PPFIA2: variants seen among roughly 807,000 people sequenced by gnomAD.
PPFIA2 encodes liprin-alpha-2.
A neutral mutation model predicts 175.5 loss-of-function variants in PPFIA2; 46 were observed. The ratio of observed to expected loss-of-function variants is 0.26; its 90% CI spans 0.21 to 0.34. PPFIA2 has a LOEUF of 0.34. Among genes scored for constraint, PPFIA2 ranks in the 10% least tolerant of loss-of-function variants. PPFIA2 has a pLI of 1.00. For synonymous variants in PPFIA2, 568 were observed against 511.4 expected, an observed-to-expected ratio of 1.11 and a Z score of -1.49; for missense variants, 1,179 against 1,506.1, an observed-to-expected ratio of 0.78 and a Z score of 3.60.
At chr12:81,378,902 T>C (rs1595822205) in intron 9 of PPFIA2, among the ~76,000 whole-genome samples, 2 of 152,282 alleles carry the variant, frequency 1.3e-5, no homozygotes, top group Non-Finnish European at 1.5e-5. Context: ...GTTGAGATTC[T>C]AATATGTAGC....
chr12:81,470,510 A>G (rs1299940943), intron 4 of PPFIA2, among the ~76,000 whole-genome samples: 1 of 152,208 alleles, frequency 6.6e-6, no homozygotes, highest in East Asian at 1.9e-4. Context: ...ACAGTTTGTC[A>G]GTTTCTCAAG....
At chr12:81,306,899 A>C (rs1325806807) in intron 22 of PPFIA2, among the ~76,000 whole-genome samples, 1 of 151,998 alleles carries the variant, frequency 6.6e-6, no homozygotes, top group Non-Finnish European at 1.5e-5. Flanking sequence ...GTCTTTCCTC[A>C]AATGTCTAAA....
intron 4 of PPFIA2, among the ~76,000 whole-genome samples, chr12:81,633,654 G>A (rs1219739877): frequency 6.6e-6 from 1 of 151,974 alleles, no homozygotes; most frequent in Non-Finnish European, 1.5e-5. Context: ...ATTTCAGGCA[G>A]GAGAAATTTT....
intron 4 of PPFIA2, among the ~76,000 whole-genome samples, chr12:81,612,174 G>C (rs1039723834): frequency 1.3e-5 from 2 of 151,880 alleles, no homozygotes; most frequent in Middle Eastern, 3.4e-3. Flanking sequence ...TTGTCCTCCT[G>C]AGTTTACTCA....
chr12:81,386,681 T>A (rs1356454507), intron 8 of PPFIA2, among the ~76,000 whole-genome samples: 2 of 152,036 alleles, frequency 1.3e-5, no homozygotes, highest in African/African-American at 4.8e-5. Flanking sequence ...TCAGCCTAGC[T>A]ACTTTGGAGA....
intron 3 of PPFIA2, among the ~76,000 whole-genome samples, chr12:81,717,894 T>C (rs1408838486): frequency 1.3e-5 from 2 of 151,564 alleles, no homozygotes; most frequent in Non-Finnish European, 3.0e-5. Context: ...GAATATGGAC[T>C]TAGCTTCAGA....
intron 4 of PPFIA2, among the ~76,000 whole-genome samples, chr12:81,576,532 G>A (rs2073580570): frequency 6.6e-6 from 1 of 151,396 alleles, no homozygotes; most frequent in Admixed American, 6.6e-5. Flanking sequence ...TGTTTTTCTG[G>A]GTCTCATGCA....
At chr12:81,528,198 G>A (rs965617752) in intron 4 of PPFIA2, among the ~76,000 whole-genome samples, 1 of 151,868 alleles carries the variant, frequency 6.6e-6, no homozygotes, top group African/African-American at 2.4e-5. Context: ...CAAAAATTAG[G>A]GCAGTCACCA....
At chr12:81,567,459 G>A (rs991930023) in intron 4 of PPFIA2, among the ~76,000 whole-genome samples, 3 of 152,144 alleles carry the variant, frequency 2.0e-5, no homozygotes, top group Non-Finnish European at 4.4e-5. Flanking sequence ...TTTAGAATAA[G>A]AGATGGTCAT....
At chr12:81,727,545 T>A (rs1050661749) in intron 3 of PPFIA2, among the ~76,000 whole-genome samples, 1 of 151,338 alleles carries the variant, frequency 6.6e-6, no homozygotes, top group Non-Finnish European at 1.5e-5. Context: ...AACAGAGGCA[T>A]CTGAGAGCTT....
At position 81,343,850 on chromosome 12, in the gene PPFIA2, G is replaced by A. The variant is rs189176714; in HGVS notation, c.2262+814C>T. On this transcript the variant is annotated intron_variant, in intron 19 of 32. Transcript: ENST00000549396. ...TAGTCTTGATGCTCTGGCATCTGGA[G>A]AGGATGCTCCTCTAACCCTAGGGAT... Among the ~76,000 whole-genome samples the A allele has an allele frequency of 3.9e-5, 6 of 152,168 alleles. No individual in the cohort carries two copies. The East Asian group carries it at 1.2e-3, about 29-fold the overall frequency.
intron 7 of PPFIA2, among the ~76,000 whole-genome samples, chr12:81,410,450 C>T (rs1281623768): frequency 2.0e-5 from 3 of 151,988 alleles, no homozygotes; most frequent in Admixed American, 6.6e-5. Flanking sequence ...TAAGATTGGA[C>T]GTCTCCCTGG....
At chr12:81,444,697 A>C (rs1186465948) in intron 6 of PPFIA2, among the ~76,000 whole-genome samples, 4 of 152,114 alleles carry the variant, frequency 2.6e-5, no homozygotes, top group South Asian at 4.1e-4. Context: ...ATAAATATTA[A>C]ATAGAACAAA....
chr12:81,620,114 C>T (rs1288329987), intron 4 of PPFIA2, among the ~76,000 whole-genome samples: 2 of 137,912 alleles, frequency 1.5e-5, no homozygotes, highest in East Asian at 2.2e-4. Flanking sequence ...GAGCCGAGAT[C>T]GCGCCACTGC....
intron 4 of PPFIA2, among the ~76,000 whole-genome samples, chr12:81,548,770 G>A (rs1194939801): frequency 6.6e-6 from 1 of 152,038 alleles, no homozygotes; most frequent in African/African-American, 2.4e-5. Context: ...ATTCAATGTA[G>A]TGCCAGATGA....
intron 4 of PPFIA2, among the ~76,000 whole-genome samples, chr12:81,630,789 A>AT (rs149542298): frequency 0.058 from 8,803 of 151,512 alleles, 372 homozygotes; most frequent in East Asian, 0.24. Context: ...AGAAAAATAA[A>AT]TTTTTTCTAT....
At chr12:81,390,522 C>G (rs1005149975) in intron 8 of PPFIA2, among the ~76,000 whole-genome samples, 1 of 151,964 alleles carries the variant, frequency 6.6e-6, no homozygotes, top group Non-Finnish European at 1.5e-5. Context: ...TTCCTAATAA[C>G]TGATGAAGTT....
rs201365603 is a variant in PPFIA2 at position 81,359,447 on chromosome 12, T to TA, written c.1638-1231dup. Among the ~76,000 whole-genome samples the TA allele has an allele frequency of 5.8e-3, 836 of 145,214 alleles. 6 individuals are homozygous for TA. The highest frequency in any genetic ancestry group is 0.016 in the African/African-American group (636 of 40,006). On this transcript the variant is annotated intron_variant, in intron 15 of 32. Coordinates refer to ENST00000549396, the MANE Select transcript of PPFIA2 (RefSeq NM_003625.5). The stretch of plus-strand genomic sequence containing the variant: ...GGTTTTATCATGGATAAGTTACATT[T>TA]AAAAAAAAAAACAACTAGGCCATAT...
At chr12:81,561,514 C>G (rs1340373091) in intron 4 of PPFIA2, among the ~76,000 whole-genome samples, 2 of 151,880 alleles carry the variant, frequency 1.3e-5, no homozygotes, top group Non-Finnish European at 2.9e-5. Context: ...GGGAGTCCCC[C>G]CCCAAAAAAA....
Sources: gnomAD v4.1 joint callset for allele counts (sites outside exome capture counted in the v4.1 genomes callset) on GRCh38, gnomAD v4.1.1 for gene constraint, MANE v1.5 for transcripts, NCBI Gene and HGNC (gene_info 2026-07-23, HGNC 2026-07-21) for gene names.